ROBO1: variants seen among roughly 807,000 people sequenced by gnomAD.
ROBO1 encodes roundabout homolog 1.
Under a neutral mutation model 195.9 loss-of-function variants are expected in ROBO1, and 149 were observed. The ratio of observed to expected loss-of-function variants is 0.76; its 90% confidence interval spans 0.67 to 0.87. The LOEUF (loss-of-function observed/expected upper bound fraction) is 0.87, where lower values mean the gene tolerates loss of function less well. Among genes scored for constraint, ROBO1 ranks in the 40% least tolerant of loss-of-function variants. The pLI, the probability that ROBO1 is intolerant of heterozygous loss-of-function variation, is 0.00. For synonymous variants in ROBO1, 816 were observed against 733.2 expected (o/e 1.11, Z -1.82); for missense variants, 1,933 against 2,068.3 (o/e 0.93, Z 1.27).
chr3:78,683,549 G>A (rs187143042), intron 10 of ROBO1, among the ~76,000 whole-genome samples: 10 of 151,832 alleles, frequency 6.6e-5, no homozygotes, highest in Non-Finnish European at 1.0e-4. Flanking sequence ...CATATGGGCC[G>A]GGCGTGGTAG....
intron 2 of ROBO1, among the ~76,000 whole-genome samples, chr3:79,313,173 C>A (rs1242943217): frequency 7.4e-6 from 1 of 135,902 alleles, no homozygotes; most frequent in African/African-American, 2.8e-5. Context: ...GGTGACAGAG[C>A]GAGACTCCAT....
chr3:78,626,664 G>T (rs115880984), intron 26 of ROBO1, among the ~76,000 whole-genome samples: 1 of 151,968 alleles, frequency 6.6e-6, no homozygotes, highest in East Asian at 1.9e-4. Context: ...GTAGAAATGC[G>T]AAGTGAAGCC....
chr3:78,987,947 G>A (rs947701342), intron 3 of ROBO1, among the ~76,000 whole-genome samples: 1 of 151,950 alleles, frequency 6.6e-6, no homozygotes, highest in South Asian at 2.1e-4. Context: ...TAAATAATTA[G>A]AACTGTACCC....
chr3:78,728,857 C>G (rs1347534232), intron 5 of ROBO1, among the ~76,000 whole-genome samples: 1 of 152,170 alleles, frequency 6.6e-6, no homozygotes, highest in East Asian at 1.9e-4. Flanking sequence ...TTTGCCTGGG[C>G]TACATACACA....
At chr3:79,497,792 T>C (rs1939830352) in intron 2 of ROBO1, among the ~76,000 whole-genome samples, 2 of 152,194 alleles carry the variant, frequency 1.3e-5, no homozygotes, top group African/African-American at 4.8e-5. Context: ...TATTTTTCTT[T>C]TAAAACGGTA....
intron 4 of ROBO1, among the ~76,000 whole-genome samples, chr3:78,937,299 AG>A (rs759471368): frequency 1.3e-5 from 2 of 151,784 alleles, no homozygotes; most frequent in East Asian, 1.9e-4. Context: ...TGCTTATTTA[AG>A]TTATAGTTGA....
intron 2 of ROBO1, among the ~76,000 whole-genome samples, chr3:79,374,966 G>A (rs986215767): frequency 1.3e-5 from 2 of 151,924 alleles, no homozygotes; most frequent in Non-Finnish European, 1.5e-5. Context: ...TTTTGCATTT[G>A]TCCATCCTTT....
chr3:79,100,435 T>C, intron 3 of ROBO1, among the ~76,000 whole-genome samples: 1 of 151,678 alleles, frequency 6.6e-6, no homozygotes, highest in East Asian at 1.9e-4. Context: ...TTATACTGCT[T>C]TCATTAGCAT....
chr3:79,713,549 C>T (rs1702361561), intron 1 of ROBO1, among the ~76,000 whole-genome samples: 1 of 152,040 alleles, frequency 6.6e-6, no homozygotes, highest in Non-Finnish European at 1.5e-5. Context: ...AACAATAGAA[C>T]TAGAATTAGA....
At position 78,869,976 on chromosome 3, in the gene ROBO1, C is replaced by A. The variant is rs9851483; in HGVS notation, c.499+68625G>T. On this transcript the variant is annotated intron_variant, in intron 4 of 30. Transcript: ENST00000464233. ...CCTTAACTTTAAAAAACTTGGATTG[C>A]ATTTTATAATATGGTTTTCAAAGAA... Among the ~76,000 whole-genome samples the A allele has an allele frequency of 2.6e-5, 4 of 152,168 alleles. No individual in the cohort carries two copies. In the South Asian group the frequency reaches 8.3e-4, roughly 32 times the overall value.
At chr3:79,009,656 T>G (rs2077726279) in intron 3 of ROBO1, among the ~76,000 whole-genome samples, 1 of 152,230 alleles carries the variant, frequency 6.6e-6, no homozygotes, top group African/African-American at 2.4e-5. Flanking sequence ...CAGGTTTCAT[T>G]GGCAGGAATT....
chr3:79,212,859 A>C (rs898088705), intron 2 of ROBO1, among the ~76,000 whole-genome samples: 1 of 151,754 alleles, frequency 6.6e-6, no homozygotes, highest in Non-Finnish European at 1.5e-5. Flanking sequence ...AAATAAAATA[A>C]AATAAAATAA....
At chr3:79,299,549 A>G (rs1156744953) in intron 2 of ROBO1, among the ~76,000 whole-genome samples, 1 of 152,198 alleles carries the variant, frequency 6.6e-6, no homozygotes, top group Non-Finnish European at 1.5e-5. Flanking sequence ...AATACTATTA[A>G]CGTTGCTTGC....
intron 3 of ROBO1, among the ~76,000 whole-genome samples, chr3:79,107,300 C>T (rs1559664001): frequency 6.6e-6 from 1 of 151,766 alleles, no homozygotes; most frequent in East Asian, 1.9e-4. Context: ...ATAATATTGG[C>T]ATCACATGTG....
chr3:79,341,494 CT>C (rs144363975), intron 2 of ROBO1, among the ~76,000 whole-genome samples: 23 of 147,922 alleles, frequency 1.6e-4, no homozygotes, highest in East Asian at 9.9e-4. Context: ...ACCACTGGTT[CT>C]TTTTTTTTTA....
In ROBO1 at chr3:78,668,192, A is replaced by G; in HGVS notation, c.1741T>C (p.Trp581Arg). The G allele has an allele frequency of 6.2e-7, 1 of 1,613,584 alleles. No homozygotes were observed. ...GCTCCTGAATTCAAATTTGGTTGCC[A>G]CGATAATGTGACTGTATTTCTGCTG... ...DVSRNTVTLS[W>R]QPNLNSGATP... Residue 581 changes from tryptophan (W) to arginine (R), a missense_variant, in exon 13 of 31, where the codon TGG (tryptophan) becomes CGG (arginine). By Grantham distance (101) the Trp-to-Arg change is moderately radical. Coordinates refer to ENST00000464233, the MANE Select transcript of ROBO1 (RefSeq NM_002941.4).
At chr3:79,590,753 G>T (rs1943972677) in intron 1 of ROBO1, among the ~76,000 whole-genome samples, 2 of 151,716 alleles carry the variant, frequency 1.3e-5, no homozygotes, top group South Asian at 4.1e-4. Context: ...TTCAAAGTAA[G>T]ATGGTATGTA....
intron 2 of ROBO1, among the ~76,000 whole-genome samples, chr3:79,294,154 A>C (rs937385914): frequency 6.6e-6 from 1 of 151,952 alleles, no homozygotes; most frequent in Non-Finnish European, 1.5e-5. Context: ...AATCTTAAGC[A>C]AAAAGAACAA....
intron 2 of ROBO1, among the ~76,000 whole-genome samples, chr3:79,182,211 C>T (rs1299488292): frequency 1.3e-5 from 2 of 152,264 alleles, no homozygotes; most frequent in East Asian, 1.9e-4. Context: ...TGCTCTTTAG[C>T]ATCTATAGCT....
Sources: allele counts gnomAD v4.1 joint callset (sites outside exome capture counted in the v4.1 genomes callset), GRCh38; gene constraint gnomAD v4.1.1; transcripts MANE v1.5; gene names NCBI Gene and HGNC (gene_info 2026-07-23, HGNC 2026-07-21).